The following FRMD4A variants were observed in gnomAD, a reference collection of about 807,000 sequenced individuals.
FRMD4A encodes the protein FERM domain containing 4A.
A neutral mutation model predicts 129.1 loss-of-function variants in FRMD4A; 29 were observed. The ratio of observed to expected loss-of-function variants is 0.22; its 90% CI spans 0.17 to 0.31. FRMD4A has a LOEUF of 0.31. Among genes scored for constraint, FRMD4A ranks in the 10% least tolerant of loss-of-function variants. The pLI is 1.00. For synonymous variants in FRMD4A, 634 were observed against 571.6 expected, an observed-to-expected ratio of 1.11 and a Z score of -1.56; for missense variants, 1,272 against 1,375.8, an observed-to-expected ratio of 0.92 and a Z score of 1.19.
rs981872271 is a variant in FRMD4A at position 13,705,148 on chromosome 10, G to A, written c.836+1889C>T. Among the ~76,000 whole-genome samples, 5 of 152,268 alleles carry A rather than the reference G, an allele frequency of 3.3e-5. No homozygotes were observed. The East Asian group carries it at 5.8e-4, about 18-fold the overall frequency. ...CTTTAAGGAAGAAGACCCTGCCTCC[G>A]ACTTCCTTCCTTCCCCGCCACAGCA... On this transcript the variant is annotated intron_variant, in intron 13 of 24. Transcript: ENST00000357447.
chr10:14,104,060 TC>T (rs1364810636), intron 2 of FRMD4A, among the ~76,000 whole-genome samples: 5 of 152,144 alleles, frequency 3.3e-5, no homozygotes, highest in South Asian at 2.1e-4. Flanking sequence ...TCTCTCATTT[TC>T]CCCCCATGTT....
At chr10:13,872,538 C>T (rs915055171) in intron 2 of FRMD4A, among the ~76,000 whole-genome samples, 8 of 152,378 alleles carry the variant, frequency 5.3e-5, no homozygotes, top group South Asian at 2.1e-4. Flanking sequence ...CAGGTTCTTA[C>T]GCATGCACGT....
At chr10:14,112,688 G>A (rs191475536) in intron 2 of FRMD4A, among the ~76,000 whole-genome samples, 1 of 152,254 alleles carries the variant, frequency 6.6e-6, no homozygotes, top group African/African-American at 2.4e-5. Context: ...ACCACATCTG[G>A]CTAATTTTTG....
chr10:14,003,264 G>A (rs2095649388), intron 2 of FRMD4A, among the ~76,000 whole-genome samples: 2 of 152,172 alleles, frequency 1.3e-5, no homozygotes, highest in South Asian at 4.1e-4. Flanking sequence ...AGAAGGAGAC[G>A]ATGGAAAGAG....
At chr10:14,109,373 A>G in intron 2 of FRMD4A, among the ~76,000 whole-genome samples, 1 of 152,236 alleles carries the variant, frequency 6.6e-6, no homozygotes, top group East Asian at 1.9e-4. Flanking sequence ...GATGAAAGTT[A>G]CAAAGAAAGT....
intron 6 of FRMD4A, among the ~76,000 whole-genome samples, chr10:13,766,884 A>C (rs8181461): frequency 0.92 from 139,234 of 152,160 alleles, 63,730 homozygotes; most frequent in East Asian, 1. Flanking sequence ...ACCATCCTGG[A>C]CAACATGGTG....
At chr10:13,651,587 C>T (rs574978175) in intron 24 of FRMD4A, 4 of 273,970 alleles carry the variant, frequency 1.5e-5, no homozygotes, top group South Asian at 5.5e-5. Context: ...CCAGGAGAAT[C>T]GCTTGAACCT....
chr10:13,826,458 C>A (rs530402398), intron 3 of FRMD4A, among the ~76,000 whole-genome samples: 1 of 152,324 alleles, frequency 6.6e-6, no homozygotes, highest in African/African-American at 2.4e-5. Context: ...CTCCTCCTTG[C>A]ACCTGTCTCT....
intron 2 of FRMD4A, among the ~76,000 whole-genome samples, chr10:14,040,674 T>C (rs1382591287): frequency 6.6e-6 from 1 of 152,180 alleles, no homozygotes; most frequent in Non-Finnish European, 1.5e-5. Flanking sequence ...GCAGTTAGGG[T>C]TCTCCTTCTT....
chr10:13,934,286 T>G lies in FRMD4A; in HGVS notation c.46-75374A>C, dbSNP rs907201327. On this transcript the variant is annotated intron_variant, in intron 2 of 24. Coordinates refer to ENST00000357447, the MANE Select transcript of FRMD4A (RefSeq NM_018027.5). ...AGGTTCTAGTGAGGTGTAGACAATC[T>G]AGATTCACAGAGAAAACTATTATTT... Among the ~76,000 whole-genome samples, 3 of 152,218 alleles carry G rather than the reference T, an allele frequency of 2.0e-5. No individual in the cohort carries two copies. The South Asian group carries it at 6.2e-4, about 32-fold the overall frequency.
At chr10:14,107,955 T>C (rs1837672110) in intron 2 of FRMD4A, among the ~76,000 whole-genome samples, 1 of 152,212 alleles carries the variant, frequency 6.6e-6, no homozygotes, top group Non-Finnish European at 1.5e-5. Context: ...GCAATCCATC[T>C]TAGGGGCAGA....
At chr10:14,272,134 G>A (rs1845181827) in intron 2 of FRMD4A, among the ~76,000 whole-genome samples, 1 of 151,860 alleles carries the variant, frequency 6.6e-6, no homozygotes, top group Non-Finnish European at 1.5e-5. Flanking sequence ...ATAAAGGTTT[G>A]TTTTTTTTCT....
intron 2 of FRMD4A, among the ~76,000 whole-genome samples, chr10:14,019,927 G>T (rs1463758560): frequency 6.6e-6 from 1 of 152,174 alleles, no homozygotes; most frequent in Non-Finnish European, 1.5e-5. Flanking sequence ...GCGTTGTGGG[G>T]CTCCTCATCT....
chr10:13,917,365 C>G (rs2131247023), intron 2 of FRMD4A, among the ~76,000 whole-genome samples: 1 of 149,140 alleles, frequency 6.7e-6, no homozygotes, highest in East Asian at 2.0e-4. Flanking sequence ...TCACTGCAAA[C>G]TGCAACCTCC....
intron 12 of FRMD4A, among the ~76,000 whole-genome samples, chr10:13,732,055 CAGGAGGCTGTCTCTTT>C: frequency 6.6e-6 from 1 of 152,212 alleles, no homozygotes; most frequent in South Asian, 2.1e-4. Context: ...TTCTGAAGGC[CAGGAGGCTGTCTCTTT>C]AGAAGGTCCA....
chr10:13,901,317 T>C (rs1023547498), intron 2 of FRMD4A, among the ~76,000 whole-genome samples: 18 of 152,202 alleles, frequency 1.2e-4, no homozygotes, highest in African/African-American at 4.1e-4. Flanking sequence ...TAAAATTGAA[T>C]GGAGGCTGGG....
chr10:14,287,607 T>A (rs991243495), intron 2 of FRMD4A, among the ~76,000 whole-genome samples: 6 of 152,332 alleles, frequency 3.9e-5, no homozygotes, highest in African/African-American at 1.4e-4. Flanking sequence ...ATTGTACTGA[T>A]AGTCACCAGC....
At chr10:13,859,743 T>C (rs2131040969) in intron 2 of FRMD4A, among the ~76,000 whole-genome samples, 1 of 152,248 alleles carries the variant, frequency 6.6e-6, no homozygotes, top group African/African-American at 2.4e-5. Context: ...CCTCCTTGTG[T>C]ATGACCTGAT....
At chr10:14,228,673 C>T (rs1843530112) in intron 2 of FRMD4A, among the ~76,000 whole-genome samples, 2 of 152,192 alleles carry the variant, frequency 1.3e-5, no homozygotes, top group South Asian at 2.1e-4. Flanking sequence ...TTGCAACCAA[C>T]CCAACAGGAG....
Sources: allele counts gnomAD v4.1 joint callset (sites outside exome capture counted in the v4.1 genomes callset), GRCh38; gene constraint gnomAD v4.1.1; transcripts MANE v1.5; gene names NCBI Gene and HGNC (gene_info 2026-07-23, HGNC 2026-07-21).